EMD: variants seen among roughly 807,000 people sequenced by gnomAD.
The protein encoded by EMD is emerin, also known as LEM domain containing 5.
Under a neutral mutation model 15.2 loss-of-function variants are expected in EMD, and 2 were observed. That is an observed-to-expected ratio of 0.13 (90% CI 0.05 to 0.41). EMD has a LOEUF of 0.41. Ranked by LOEUF, EMD falls within the 10% of genes least tolerant of loss-of-function variation. The pLI is 0.99. For synonymous variants in EMD, 122 were observed against 86.2 expected (o/e 1.42, Z -2.30); for missense variants, 224 against 213.4 (o/e 1.05, Z -0.31).
At position 154,379,995 on chromosome X, in the gene EMD, G is replaced by A. The variant is rs141138209; in HGVS notation, c.241G>A (p.Asp81Asn). Reference sequence around the variant, plus strand: ...TATGTATGATCTTCCCAAGAAAGAGGACGCTTTACTCTACCAGAGCAAGGG... The same window carrying A: ...TATGTATGATCTTCCCAAGAAAGAGAACGCTTTACTCTACCAGAGCAAGGG... ...ADMYDLPKKE[D>N]ALLYQSKGYN... Residue 81 changes from aspartate (D) to asparagine (N), a missense_variant, in exon 3 of 6, where the codon GAC becomes AAC. Coordinates refer to ENST00000369842, the MANE Select transcript of EMD (RefSeq NM_000117.3). 39 of 1,210,029 alleles carry A rather than the reference G, an allele frequency of 3.2e-5. No individual in the cohort carries two copies. The highest frequency in any genetic ancestry group is 4.0e-5 in the Non-Finnish European group (36 of 895,037).
chrX:154,379,650 T>C (rs781874000), intron 1 of EMD, 40 bp from the exon 2 acceptor site: 1 of 1,198,605 alleles, frequency 8.3e-7, no homozygotes, highest in Non-Finnish European at 1.1e-6. Context: ...CCCGCGCGCC[T>C]TCCCCGGCCC....
At position 154,381,138 on chromosome X, in the gene EMD, G is replaced by A. The variant is rs782174448; in HGVS notation, c.706G>A (p.Val236Met). Residue 236 changes from valine (V) to methionine (M), a missense_variant, in exon 6 of 6, where the codon GTG becomes ATG. Coordinates refer to ENST00000369842, the MANE Select transcript of EMD (RefSeq NM_000117.3). ...CCAGCTGCTGCTTTTCCTGGTCTTT[G>A]TGATCGTCCTCTTCTTCATTTACCA... ...WGQLLLFLVF[V>M]IVLFFIYHFM... 1.2e-5 allele frequency: 14 copies of A among 1,211,856 alleles called. No individual in the cohort carries two copies. Among genetic ancestry groups the A allele is most frequent in the Non-Finnish European group, 1.6e-5 (14 of 895,507 alleles).
intron 3 of EMD, 52 bp downstream of exon 3, chrX:154,380,071 G>GGT: frequency 8.4e-7 from 1 of 1,195,459 alleles, no homozygotes; most frequent in Non-Finnish European, 1.1e-6. Context: ...ACTTCGTCAG[G>GGT]GACCCCGCTC....
In EMD at chrX:154,379,567, GTACGCGGCGGCGGGCGGGAC is replaced by G. The variant is rs1176142241; in HGVS notation, c.82+2_82+21del. Reference sequence around the variant, plus strand: ...AACATCCCGCACGGGCCTGTAGTAGGTACGCGGCGGCGGGCGGGACCCCTTCCGGGCCCCCTCCTCGTGCT... The same window carrying G: ...AACATCCCGCACGGGCCTGTAGTAGGCCCTTCCGGGCCCCCTCCTCGTGCT... On this transcript the variant is annotated splice_donor_variant and splice_donor_5th_base_variant and intron_variant, in intron 1 of 5. Coordinates refer to ENST00000369842, the MANE Select transcript of EMD (RefSeq NM_000117.3). LOFTEE classifies it high-confidence loss of function. 8.6e-7 allele frequency: 1 copy of G among 1,168,610 alleles called. No individual in the cohort carries two copies. The highest frequency in any genetic ancestry group is 1.1e-6 in the Non-Finnish European group (1 of 873,637).
chrX:154,379,749 C>A lies in EMD; in HGVS notation c.142C>A (p.Leu48Ile). 8.3e-7 allele frequency: 1 copy of A among 1,208,090 alleles called. No homozygotes were observed. Among genetic ancestry groups the A allele is most frequent in the Non-Finnish European group, 1.1e-6 (1 of 894,373 alleles). ...IFEYETQRRRLSPPSSSAASS... is the reference protein window; with the variant it reads ...IFEYETQRRRISPPSSSAASS... ...CGAGTACGAGACCCAGAGGCGGCGGCTCTCGCCCCCCAGCTCGTCCGCCGC... is the reference window on the plus strand; with the variant it reads ...CGAGTACGAGACCCAGAGGCGGCGGATCTCGCCCCCCAGCTCGTCCGCCGC... Residue 48 changes from leucine (L) to isoleucine (I), a missense_variant, in exon 2 of 6, where the codon CTC becomes ATC. Coordinates refer to ENST00000369842, the MANE Select transcript of EMD (RefSeq NM_000117.3).
Position 154,380,323 on chromosome X carries a change from C to A in EMD, c.355C>A (p.Gln119Lys), listed in dbSNP as rs398123157. ...TGCCGGCCCGTCCAGGGCTGTCCGCCAGTCAGTGACTTCATTCCCAGATGC... is the reference window on the plus strand; with the variant it reads ...TGCCGGCCCGTCCAGGGCTGTCCGCAAGTCAGTGACTTCATTCCCAGATGC... ...ESAGPSRAVR[Q>K]SVTSFPDADA... Residue 119 changes from glutamine to lysine, a missense_variant, in exon 4 of 6, where the codon CAG becomes AAG. Transcript: ENST00000369842. 31 of 1,210,303 alleles carry A rather than the reference C, an allele frequency of 2.6e-5. No individual in the cohort carries two copies. The highest frequency in any genetic ancestry group is 3.0e-5 in the Non-Finnish European group (27 of 895,385).
chrX:154,379,379 C>G lies in EMD; in HGVS notation c.-106C>G. 1.1e-6 allele frequency: 1 copy of G among 874,004 alleles called. No individual in the cohort carries two copies. Among genetic ancestry groups the G allele is most frequent in the South Asian group, 2.3e-5 (1 of 43,833 alleles). The allele number at this position is 874,004 out of a possible 1,213,427, so 72.0% of individuals were successfully genotyped here. A position where few individuals can be genotyped will look rare whatever the true frequency, so the allele number is the denominator to read the frequency against. ...CGGCTGTGACGCGAGCGCGGCCGCT[C>G]CCGATGCGCTCGTGCCGCCCCCGCC... is the stretch of plus-strand genomic sequence containing the variant. On this transcript the variant is annotated 5_prime_UTR_variant, in exon 1 of 6. Coordinates refer to ENST00000369842, the MANE Select transcript of EMD (RefSeq NM_000117.3).
intron 1 of EMD, 61 bp from the exon 2 acceptor site, chrX:154,379,629 C>T (rs2067874293): frequency 1.7e-6 from 2 of 1,197,776 alleles, no homozygotes; most frequent in East Asian, 3.0e-5. Flanking sequence ...CGCGACCTCC[C>T]CGCTGCCCTC....
rs1262954618 is a variant in EMD at position 154,380,775 on chromosome X, C to T, written c.422C>T (p.Ser141Phe). ...CAGGTGCATGATGACGATCTTTTGT[C>T]TTCTTCTGAAGAGGAGTGCAAGGAT... ...HHQVHDDDLL[S>F]SSEEECKDRE... Residue 141 changes from serine (S) to phenylalanine (F), a missense_variant, in exon 5 of 6, where the codon TCT becomes TTT. Transcript: ENST00000369842. 10 of 1,210,560 alleles carry T rather than the reference C, an allele frequency of 8.3e-6. No individual in the cohort carries two copies. The highest frequency in any genetic ancestry group is 5.2e-5 in the African/African-American group (3 of 57,384).
intron 2 of EMD, 35 bp from the exon 3 acceptor site, chrX:154,379,907 G>T (rs2067876785): frequency 8.4e-7 from 1 of 1,196,755 alleles, no homozygotes; most frequent in Non-Finnish European, 1.1e-6. Context: ...GAAGTCTGGG[G>T]GGGCAAACAG....
In EMD at chrX:154,380,876, C is replaced by G; in HGVS notation, c.450-6C>G. 1 of 1,211,909 alleles carries G rather than the reference C, an allele frequency of 8.3e-7. No homozygotes were observed. On this transcript the variant is annotated splice_polypyrimidine_tract_variant and splice_region_variant and intron_variant, in intron 5 of 5. Coordinates refer to ENST00000369842, the MANE Select transcript of EMD (RefSeq NM_000117.3). The stretch of plus-strand genomic sequence containing the variant: ...CTGGCCCACTTGCTCCCCTCTTTTG[C>G]CTCAGGGAACGCCCCATGTACGGCC...
In EMD at chrX:154,379,340, A is replaced by AC; in HGVS notation, c.-144dup. The stretch of plus-strand genomic sequence containing the variant: ...GTGACGCGACAACGATTCGGCTGTG[A>AC]CGCGACAACGATTCGGCTGTGACGC... On this transcript the variant is annotated 5_prime_UTR_variant, in exon 1 of 6. Transcript: ENST00000369842. 2 of 579,628 alleles carry AC rather than the reference A, an allele frequency of 3.5e-6. No individual in the cohort carries two copies. 47.8% of individuals were successfully genotyped at this position (579,628 alleles called of 1,213,427 possible). A position where few individuals can be genotyped will look rare whatever the true frequency, so the allele number is the denominator to read the frequency against.
chrX:154,379,615 G>A (rs1569552078), intron 1 of EMD, 49 bp downstream of exon 1: 4 of 1,190,575 alleles, frequency 3.4e-6, no homozygotes, highest in South Asian at 3.6e-5. Flanking sequence ...CTCGTGCTCC[G>A]CCTCGCGACC....
In EMD at chrX:154,379,802, C is replaced by T. The variant is rs1557182321; in HGVS notation, c.187+8C>T. The T allele has an allele frequency of 8.3e-7, 1 of 1,200,278 alleles. No homozygotes were observed. The highest frequency in any genetic ancestry group is 1.8e-5 in the South Asian group (1 of 56,454). On this transcript the variant is annotated splice_region_variant and intron_variant, in intron 2 of 5. Transcript: ENST00000369842. Reference sequence around the variant, plus strand: ...CCTCTTATAGCTTCTCTGGTGAGAGCCTCGCCTGTGGGGACAGCCTGGGAC... The same window carrying T: ...CCTCTTATAGCTTCTCTGGTGAGAGTCTCGCCTGTGGGGACAGCCTGGGAC...
chrX:154,380,485 T>G (rs189553572), intron 4 of EMD, 118 bp downstream of exon 4: 213 of 1,086,217 alleles, frequency 2.0e-4, no homozygotes, highest in Non-Finnish European at 5.5e-5. Context: ...CCGGGGAGAC[T>G]CTGTGTGACT....
At position 154,381,367 on chromosome X, in the gene EMD, C is replaced by A. The variant is rs782157633; in HGVS notation, c.*170C>A. The A allele has an allele frequency of 2.0e-4, 121 of 593,005 alleles. No homozygotes were observed. The African/African-American group carries it at 2.5e-3, about 12-fold the overall frequency. 48.9% of individuals were successfully genotyped at this position (593,005 alleles called of 1,213,427 possible). A position where few individuals can be genotyped will look rare whatever the true frequency, so the allele number is the denominator to read the frequency against. ...TGCTTGCTCCCCCTGCCTTGTCCCA[C>A]CAGGGAGGCAGCAGACTCAGGCCCT... is the stretch of plus-strand genomic sequence containing the variant. On this transcript the variant is annotated 3_prime_UTR_variant, in exon 6 of 6. Coordinates refer to ENST00000369842, the MANE Select transcript of EMD (RefSeq NM_000117.3).
intron 4 of EMD, 115 bp from the exon 5 acceptor site, chrX:154,380,638 C>G: frequency 9.5e-7 from 1 of 1,054,428 alleles, no homozygotes; most frequent in Non-Finnish European, 1.3e-6. Flanking sequence ...GGTGTGGGTT[C>G]CTGGCCTCTA....
Position 154,380,769 on chromosome X carries a change from T to A in EMD, c.416T>A (p.Leu139His). Reference sequence around the variant, plus strand: ...CTTCTGCAGGTGCATGATGACGATCTTTTGTCTTCTTCTGAAGAGGAGTGC... The same window carrying A: ...CTTCTGCAGGTGCATGATGACGATCATTTGTCTTCTTCTGAAGAGGAGTGC... ...AFHHQVHDDD[L>H]LSSSEEECKD... Residue 139 changes from leucine (L) to histidine (H), a missense_variant, in exon 5 of 6, where the codon CTT becomes CAT. Transcript: ENST00000369842. The A allele has an allele frequency of 8.3e-7, 1 of 1,211,819 alleles. No individual in the cohort carries two copies. The highest frequency in any genetic ancestry group is 3.0e-5 in the East Asian group (1 of 33,831).
rs1284693663 is a variant in EMD, at chrX:154,381,321, G to T, written c.*124G>T. 3.2e-6 allele frequency: 3 copies of T among 927,417 alleles called. No individual in the cohort carries two copies. The highest frequency in any genetic ancestry group is 4.4e-6 in the Non-Finnish European group (3 of 680,211). 76.4% of individuals were successfully genotyped at this position (927,417 alleles called of 1,213,427 possible). ...CTTTATGTGTTTTTGCTTGGGGGGCGCTGGGCCTAGCCCAGAGTAGTGCTT... is the reference window on the plus strand; with the variant it reads ...CTTTATGTGTTTTTGCTTGGGGGGCTCTGGGCCTAGCCCAGAGTAGTGCTT... On this transcript the variant is annotated 3_prime_UTR_variant, in exon 6 of 6. Transcript: ENST00000369842.
Sources: allele counts gnomAD v4.1 joint callset, GRCh38; gene constraint gnomAD v4.1.1; transcripts MANE v1.5; gene names NCBI Gene and HGNC (gene_info 2026-07-23, HGNC 2026-07-21).